DTNA: variants seen among roughly 807,000 people sequenced by gnomAD.
DTNA encodes dystrophin-related protein 3.
Under a neutral mutation model 100.7 loss-of-function variants are expected in DTNA, and 43 were observed. The ratio of observed to expected loss-of-function variants is 0.43; its 90% CI spans 0.33 to 0.55. The LOEUF is 0.55. DTNA is among the 20% of genes least tolerant of loss of function. The probability of loss-of-function intolerance (pLI) is 0.04; values close to 1 mark genes in which losing one functional copy is unlikely to be tolerated. For missense variants in DTNA, 798 were observed against 953.9 expected (o/e 0.84, Z 2.15); for synonymous variants, 349 against 347.9 (o/e 1.00, Z -0.04).
intron 4 of DTNA, among the ~76,000 whole-genome samples, chr18:34,797,198 T>TA (rs2095016660): frequency 6.6e-6 from 1 of 152,294 alleles, no homozygotes; most frequent in South Asian, 2.1e-4. Flanking sequence ...ACATTCCTTT[T>TA]AAAAATGGCT....
intron 1 of DTNA, among the ~76,000 whole-genome samples, chr18:34,735,778 C>T (rs192125268): frequency 1.3e-5 from 2 of 152,258 alleles, no homozygotes; most frequent in African/African-American, 2.4e-5. Context: ...CACCTATCAA[C>T]TCATTACCCA....
At chr18:34,755,842 T>C in intron 1 of DTNA, 134 bp from the exon 2 acceptor site, 1 of 780,970 alleles carries the variant, frequency 1.3e-6, no homozygotes. Flanking sequence ...AAAGCTGTAC[T>C]TTTTAAAACA....
intron 16 of DTNA, among the ~76,000 whole-genome samples, chr18:34,860,213 A>AT (rs1169379979): frequency 1.7e-3 from 123 of 74,270 alleles, no homozygotes; most frequent in East Asian, 2.3e-3. Flanking sequence ...CGCCCGGCTA[A>AT]TTTTTTGTTT....
At chr18:34,838,636 G>A (rs1020834875) in intron 12 of DTNA, 109 bp from the exon 13 acceptor site, 5 of 878,784 alleles carry the variant, frequency 5.7e-6, no homozygotes, top group African/African-American at 1.6e-5. Context: ...TCCTTTACCT[G>A]CTTGGTTTTC....
At chr18:34,578,647 G>A (rs2048339616) in intron 1 of DTNA, among the ~76,000 whole-genome samples, 1 of 152,082 alleles carries the variant, frequency 6.6e-6, no homozygotes, top group African/African-American at 2.4e-5. Context: ...TTTTATACGT[G>A]GTGAGAGATG....
chr18:34,654,208 G>C (rs1473792222), intron 1 of DTNA, among the ~76,000 whole-genome samples: 1 of 152,186 alleles, frequency 6.6e-6, no homozygotes, highest in Non-Finnish European at 1.5e-5. Flanking sequence ...TGATGTGATA[G>C]AGCTGTTGCA....
chr18:34,888,231 G>A lies in DTNA; in HGVS notation c.*497G>A, dbSNP rs2096939835. 1.0e-6 allele frequency: 1 copy of A among 985,670 alleles called. No homozygotes were observed. The highest frequency in any genetic ancestry group is 1.7e-5 in the African/African-American group (1 of 57,220). The allele number at this position is 985,670 out of a possible 1,614,324, so 61.1% of individuals were successfully genotyped here. On this transcript the variant is annotated 3_prime_UTR_variant, in exon 23 of 23. Coordinates refer to ENST00000444659, the MANE Select transcript of DTNA (RefSeq NM_001386795.1). ...TAGAAGTTTGATTTCTGAATTCTTTGAGATTTTAGCAAAACAGTTTATTAT... is the reference window on the plus strand; with the variant it reads ...TAGAAGTTTGATTTCTGAATTCTTTAAGATTTTAGCAAAACAGTTTATTAT...
intron 17 of DTNA, chr18:34,868,357 A>T: frequency 1.8e-6 from 1 of 558,024 alleles, no homozygotes; most frequent in Non-Finnish European, 2.3e-6. Context: ...AGTCAAAATT[A>T]AAAGCAGAAC....
chr18:34,865,394 T>C (rs150594129), intron 17 of DTNA, among the ~76,000 whole-genome samples: 1 of 152,278 alleles, frequency 6.6e-6, no homozygotes, highest in East Asian at 1.9e-4. Flanking sequence ...AGCTACTTTG[T>C]CCCAGCCACT....
chr18:34,861,416 G>A (rs1603280579), intron 16 of DTNA, among the ~76,000 whole-genome samples: 1 of 149,742 alleles, frequency 6.7e-6, no homozygotes, highest in East Asian at 2.0e-4. Flanking sequence ...AACCCGGGAG[G>A]CGGAGCTTGC....
intron 1 of DTNA, among the ~76,000 whole-genome samples, chr18:34,742,659 C>CTATTATCTATCTAGATAGATAGATAATG (rs2090906452): frequency 6.6e-6 from 1 of 151,940 alleles, no homozygotes. Flanking sequence ...GATAGATAAT[C>CTATTATCTATCTAGATAGATAGATAATG]TATTATCTAT....
At chr18:34,860,220 GTTTTTTTTTTTTTTTTTT>G (rs55673388) in intron 16 of DTNA, among the ~76,000 whole-genome samples, 58 of 80,282 alleles carry the variant, frequency 7.2e-4, no homozygotes, top group African/African-American at 2.4e-3. Context: ...CTAATTTTTT[GTTTTTTTTTTTTTTTTTT>G]TTTTTTTTTT....
intron 5 of DTNA, among the ~76,000 whole-genome samples, chr18:34,808,181 C>T (rs1430444688): frequency 6.6e-6 from 1 of 152,148 alleles, no homozygotes; most frequent in Admixed American, 6.5e-5. Context: ...CAGTTTTCTG[C>T]ATCTCAGAAC....
chr18:34,707,089 C>T (rs769892297), upstream of DTNA, among the ~76,000 whole-genome samples: 1 of 152,088 alleles, frequency 6.6e-6, no homozygotes, highest in Non-Finnish European at 1.5e-5. Context: ...TAACATTGGC[C>T]ATCAACGTTT....
intron 1 of DTNA, among the ~76,000 whole-genome samples, chr18:34,510,259 A>G (rs1184928241): frequency 6.6e-6 from 1 of 151,044 alleles, no homozygotes; most frequent in Non-Finnish European, 1.5e-5. Context: ...CTACAAATTT[A>G]TCTGTTCTCT....
chr18:34,671,146 C>T (rs766842849), intron 1 of DTNA, among the ~76,000 whole-genome samples: 39 of 152,168 alleles, frequency 2.6e-4, no homozygotes, highest in African/African-American at 4.8e-4. Flanking sequence ...CCCCCAGTCT[C>T]GCTGCCACCT....
chr18:34,789,307 T>C (rs2094617539), intron 3 of DTNA, among the ~76,000 whole-genome samples: 1 of 152,244 alleles, frequency 6.6e-6, no homozygotes, highest in South Asian at 2.1e-4. Flanking sequence ...CCGTCTCCGC[T>C]CCTTTCTTCC....
intron 15 of DTNA, among the ~76,000 whole-genome samples, chr18:34,857,976 G>A (rs1003957925): frequency 1.5e-4 from 23 of 152,272 alleles, no homozygotes; most frequent in African/African-American, 5.5e-4. Flanking sequence ...CTTGCTAGTA[G>A]TAATGCATTA....
At chr18:34,605,633 GCACACACACACACACACACACACA>G (rs3078088) in intron 1 of DTNA, among the ~76,000 whole-genome samples, 17 of 142,330 alleles carry the variant, frequency 1.2e-4, no homozygotes, top group African/African-American at 4.4e-4. Context: ...TGCAACTCAG[GCACACACACACACACACACACACA>G]CACACACACA....
Sources: gnomAD v4.1 joint callset for allele counts (sites outside exome capture counted in the v4.1 genomes callset) on GRCh38, gnomAD v4.1.1 for gene constraint, MANE v1.5 for transcripts, NCBI Gene and HGNC (gene_info 2026-07-23, HGNC 2026-07-21) for gene names.